Variants in GFRA2 observed in about 807,000 individuals in gnomAD.
GFRA2 encodes the protein GDNF family receptor alpha 2, also known as GDNF family receptor alpha-2.
In GFRA2, 17 loss-of-function variants were observed where a neutral mutation model predicts 48.3. That is an observed-to-expected ratio of 0.35 (90% CI 0.24 to 0.53). GFRA2 has a LOEUF of 0.53. Among genes scored for constraint, GFRA2 ranks in the 20% least tolerant of loss-of-function variants. The probability of loss-of-function intolerance (pLI) is 0.93; values close to 1 mark genes in which losing one functional copy is unlikely to be tolerated. For missense variants in GFRA2, 660 were observed against 637.3 expected, an observed-to-expected ratio of 1.04 and a Z score of -0.38; for synonymous variants, 305 against 257.2, an observed-to-expected ratio of 1.19 and a Z score of -1.78.
chr8:21,732,966 C>A (rs1439703016), intron 4 of GFRA2, among the ~76,000 whole-genome samples: 1 of 152,196 alleles, frequency 6.6e-6, no homozygotes, highest in African/African-American at 2.4e-5. Context: ...AGAAAGGCCA[C>A]TGCAGATGTG....
intron 7 of GFRA2, among the ~76,000 whole-genome samples, chr8:21,702,404 G>A (rs1420467719): frequency 2.6e-5 from 4 of 152,272 alleles, no homozygotes; most frequent in South Asian, 2.1e-4. Context: ...TTGAAACCCC[G>A]CCAGGCTGAG....
At chr8:21,763,951 AC>A (rs1806031622) in intron 3 of GFRA2, among the ~76,000 whole-genome samples, 1 of 32 alleles carries the variant, frequency 0.031, no homozygotes, top group Admixed American at 0.25. Flanking sequence ...TCACTAGGTA[AC>A]ACACACACAC....
Position 21,717,333 on chromosome 8 carries a change from T to C in GFRA2, c.795-11292A>G, listed in dbSNP as rs1803382697. ...CATTGCTATCAAAATGGCAAGGATGTAGATCGTGTCAATGTATGAAAATTT... is the reference window on the plus strand; with the variant it reads ...CATTGCTATCAAAATGGCAAGGATGCAGATCGTGTCAATGTATGAAAATTT... On this transcript the variant is annotated intron_variant, in intron 4 of 8. Transcript: ENST00000524240. Among the ~76,000 whole-genome samples, 4 of 152,350 alleles carry C rather than the reference T, an allele frequency of 2.6e-5. No homozygotes were observed. The South Asian group carries it at 8.3e-4, about 32-fold the overall frequency.
chr8:21,807,252 C>T (rs1807889711), intron 1 of GFRA2, among the ~76,000 whole-genome samples: 2 of 152,170 alleles, frequency 1.3e-5, no homozygotes, highest in South Asian at 4.1e-4. Context: ...ATTACTGCAA[C>T]AGTGGGTTTG....
At chr8:21,789,394 G>A (rs1807453948), upstream of GFRA2, 2 of 152,580 alleles carry the variant, frequency 1.3e-5, no homozygotes, top group African/African-American at 2.4e-5. Flanking sequence ...GAAGCCTGGG[G>A]AGCTGAGCTG....
In GFRA2 at chr8:21,694,607, A is replaced by G. The variant is rs976293723; in HGVS notation, c.1219-90T>C. ...AGACTTAGATGAGGCCCCGCCATGC[A>G]CTGTTGGCTCCGCTAAGCACAGCCA... On this transcript the variant is annotated intron_variant, in intron 7 of 8. Transcript: ENST00000524240. 5 of 1,218,064 alleles carry G rather than the reference A, an allele frequency of 4.1e-6. No individual in the cohort carries two copies. In the Admixed American group the frequency reaches 5.9e-5, roughly 14 times the overall value. The allele number at this position is 1,218,064 out of a possible 1,614,324, so 75.5% of individuals were successfully genotyped here. A position where few individuals can be genotyped will look rare whatever the true frequency, so the allele number is the denominator to read the frequency against.
At chr8:21,761,218 AG>A (rs1349993050) in intron 3 of GFRA2, among the ~76,000 whole-genome samples, 1 of 152,206 alleles carries the variant, frequency 6.6e-6, no homozygotes, top group African/African-American at 2.4e-5. Flanking sequence ...ATCCAACCCC[AG>A]CCCGCCCTCA....
chr8:21,745,606 G>A (rs1585287230), intron 4 of GFRA2, among the ~76,000 whole-genome samples: 1 of 152,178 alleles, frequency 6.6e-6, no homozygotes, highest in Admixed American at 6.5e-5. Flanking sequence ...AGTCAAACCA[G>A]GGAAAGGAGG....
At chr8:21,701,671 G>A (rs114906132) in intron 7 of GFRA2, among the ~76,000 whole-genome samples, 83 of 152,244 alleles carry the variant, frequency 5.5e-4, no homozygotes, top group African/African-American at 1.9e-3. Flanking sequence ...AAGCACTTTC[G>A]CATGTATCAT....
intron 1 of GFRA2, among the ~76,000 whole-genome samples, chr8:21,805,699 G>C (rs1807848625): frequency 1.3e-5 from 2 of 152,160 alleles, no homozygotes; most frequent in African/African-American, 4.8e-5. Flanking sequence ...GTCCTGTCCA[G>C]TGCCTTAACC....
chr8:21,767,415 A>G (rs1806225442), intron 3 of GFRA2, among the ~76,000 whole-genome samples: 2 of 152,200 alleles, frequency 1.3e-5, no homozygotes, highest in South Asian at 4.1e-4. Context: ...TCACACAATG[A>G]CCCCTCTCCC....
At chr8:21,760,641 G>A (rs773796736) in intron 3 of GFRA2, among the ~76,000 whole-genome samples, 1 of 152,198 alleles carries the variant, frequency 6.6e-6, no homozygotes, top group Admixed American at 6.5e-5. Flanking sequence ...ATAGGCAGAA[G>A]GGTCCACAAG....
intron 3 of GFRA2, among the ~76,000 whole-genome samples, chr8:21,751,949 TAGAGC>T (rs1209305183): frequency 6.6e-6 from 1 of 152,234 alleles, no homozygotes; most frequent in Non-Finnish European, 1.5e-5. Flanking sequence ...CTGGGCATTC[TAGAGC>T]TCAGCCATCG....
At chr8:21,721,833 C>T (rs1396651696) in intron 4 of GFRA2, among the ~76,000 whole-genome samples, 1 of 152,112 alleles carries the variant, frequency 6.6e-6, no homozygotes, top group Admixed American at 6.5e-5. Flanking sequence ...CCAGGCATGG[C>T]TGGGTTCTGC....
At chr8:21,753,751 C>T (rs1421574744) in intron 3 of GFRA2, among the ~76,000 whole-genome samples, 1 of 152,076 alleles carries the variant, frequency 6.6e-6, no homozygotes, top group East Asian at 1.9e-4. Flanking sequence ...AATAACTTCA[C>T]CTGTTTCTTT....
intron 3 of GFRA2, chr8:21,769,150 G>A (rs934781732): frequency 1.0e-6 from 1 of 983,192 alleles, no homozygotes; most frequent in African/African-American, 1.8e-5. Flanking sequence ...ACACAGGTCT[G>A]ATTCTCTTAC....
At chr8:21,707,529 G>C (rs1409098820) in intron 4 of GFRA2, among the ~76,000 whole-genome samples, 1 of 152,130 alleles carries the variant, frequency 6.6e-6, no homozygotes, top group Non-Finnish European at 1.5e-5. Context: ...CCGCGATCCT[G>C]AGGGATGGTT....
chr8:21,745,690 C>T (rs2117570018), intron 4 of GFRA2, among the ~76,000 whole-genome samples: 1 of 152,330 alleles, frequency 6.6e-6, no homozygotes, highest in Non-Finnish European at 1.5e-5. Flanking sequence ...CCTTGAGCCA[C>T]CTGTCACCTC....
intron 4 of GFRA2, among the ~76,000 whole-genome samples, chr8:21,723,744 G>A (rs538162281): frequency 5.3e-5 from 8 of 152,274 alleles, no homozygotes; most frequent in Admixed American, 3.9e-4. Context: ...CCACTCACTC[G>A]TCCTCTTCTC....
Sources: gnomAD v4.1 joint callset for allele counts (sites outside exome capture counted in the v4.1 genomes callset) on GRCh38, gnomAD v4.1.1 for gene constraint, MANE v1.5 for transcripts, NCBI Gene and HGNC (gene_info 2026-07-23, HGNC 2026-07-21) for gene names.